RIMS2: variants seen among roughly 807,000 people sequenced by gnomAD.
RIMS2 encodes the protein regulating synaptic membrane exocytosis protein 2.
In RIMS2, 59 loss-of-function variants were observed where a neutral mutation model predicts 174.4. The observed-to-expected ratio is 0.34, with a 90% confidence interval of 0.27 to 0.42. The LOEUF is 0.42. Among genes scored for constraint, RIMS2 ranks in the 10% least tolerant of loss-of-function variants. The probability of loss-of-function intolerance (pLI) is 1.00; values close to 1 mark genes in which losing one functional copy is unlikely to be tolerated. For synonymous variants in RIMS2, 606 were observed against 572.5 expected, an observed-to-expected ratio of 1.06 and a Z score of -0.84; for missense variants, 1,620 against 1,666.3, an observed-to-expected ratio of 0.97 and a Z score of 0.48.
chr8:103,852,077 C>G (rs536049186), intron 3 of RIMS2, among the ~76,000 whole-genome samples: 3 of 151,850 alleles, frequency 2.0e-5, no homozygotes, highest in Non-Finnish European at 4.4e-5. Flanking sequence ...GACTTTTCCC[C>G]GAAAACATTA....
At chr8:103,828,695 TG>T (rs36000839) in intron 3 of RIMS2, among the ~76,000 whole-genome samples, 18,829 of 152,044 alleles carry the variant, frequency 0.12, 1,261 homozygotes, top group Middle Eastern at 0.22. Flanking sequence ...TTTATAGTCT[TG>T]GGTTTTACAT....
intron 3 of RIMS2, among the ~76,000 whole-genome samples, chr8:103,881,408 G>A (rs1594462178): frequency 2.0e-5 from 3 of 151,434 alleles, no homozygotes; most frequent in Non-Finnish European, 4.4e-5. Flanking sequence ...ACTTAAGATG[G>A]TAAAGCCTGT....
At chr8:103,818,406 T>C (rs879396828) in intron 3 of RIMS2, among the ~76,000 whole-genome samples, 16 of 152,206 alleles carry the variant, frequency 1.1e-4, no homozygotes, top group Non-Finnish European at 1.9e-4. Context: ...ATGGATGTAC[T>C]TGGGTATAGA....
At chr8:103,809,341 T>G (rs1177033861) in intron 3 of RIMS2, among the ~76,000 whole-genome samples, 1 of 152,106 alleles carries the variant, frequency 6.6e-6, no homozygotes, top group African/African-American at 2.4e-5. Flanking sequence ...TATTACAAGT[T>G]TTCTTAACAT....
At chr8:103,811,761 G>A (rs115083442) in intron 3 of RIMS2, among the ~76,000 whole-genome samples, 1,571 of 152,302 alleles carry the variant, frequency 0.01, 30 homozygotes, top group African/African-American at 0.036. Flanking sequence ...GAGGTTTTAG[G>A]TGTGGGAACT....
chr8:103,866,331 T>C (rs2099084218), intron 3 of RIMS2, among the ~76,000 whole-genome samples: 1 of 152,164 alleles, frequency 6.6e-6, no homozygotes, highest in Non-Finnish European at 1.5e-5. Context: ...AATATTTTGA[T>C]AATATCATTT....
intron 2 of RIMS2, among the ~76,000 whole-genome samples, chr8:103,745,117 G>A (rs1054102837): frequency 6.6e-6 from 1 of 152,102 alleles, no homozygotes; most frequent in African/African-American, 2.4e-5. Context: ...ATCACAATTT[G>A]TCCAATTCCA....
intron 19 of RIMS2, among the ~76,000 whole-genome samples, chr8:104,028,140 G>T (rs1386930832): frequency 6.7e-6 from 1 of 148,822 alleles, no homozygotes; most frequent in East Asian, 1.9e-4. Flanking sequence ...AAAAAAAAAA[G>T]ATCTAAAGAA....
intron 2 of RIMS2, among the ~76,000 whole-genome samples, chr8:103,733,907 T>C (rs1277106033): frequency 6.6e-6 from 1 of 152,150 alleles, no homozygotes; most frequent in African/African-American, 2.4e-5. Context: ...TGGGTTTTTA[T>C]GATCGTGTTT....
At chr8:104,109,712 A>G (rs187173465) in intron 19 of RIMS2, among the ~76,000 whole-genome samples, 95 of 152,302 alleles carry the variant, frequency 6.2e-4, no homozygotes, top group African/African-American at 2.1e-3. Flanking sequence ...CCACATGACA[A>G]TTCAGAATAG....
chr8:103,921,151 AAT>A (rs1260084976), intron 9 of RIMS2, among the ~76,000 whole-genome samples: 1 of 152,206 alleles, frequency 6.6e-6, no homozygotes, highest in African/African-American at 2.4e-5. Context: ...CAAGAATCAA[AAT>A]AGTGACAATA....
At chr8:103,834,742 T>TTCTTTCTTTCTTTCTTTCTCTCTCTC (rs1406395709) in intron 3 of RIMS2, among the ~76,000 whole-genome samples, 3 of 109,528 alleles carry the variant, frequency 2.7e-5, no homozygotes, top group African/African-American at 1.3e-4. Flanking sequence ...CTTTCTTTCT[T>TTCTTTCTTTCTTTCTTTCTCTCTCTC]TCTCTCTCTT....
chr8:103,792,637 GTTTTTT>G (rs57893772), intron 3 of RIMS2, among the ~76,000 whole-genome samples: 2 of 137,574 alleles, frequency 1.5e-5, no homozygotes, highest in African/African-American at 5.4e-5. Flanking sequence ...CCAGGAGCTG[GTTTTTT>G]TTTTTTTTTT....
At chr8:103,631,260 A>G (rs2095911954) in intron 1 of RIMS2, among the ~76,000 whole-genome samples, 2 of 152,088 alleles carry the variant, frequency 1.3e-5, no homozygotes, top group African/African-American at 2.4e-5. Context: ...TGGGTTTTAT[A>G]TTTAAGTCTT....
chr8:103,955,796 A>G (rs2086976198), intron 14 of RIMS2, among the ~76,000 whole-genome samples: 1 of 152,184 alleles, frequency 6.6e-6, no homozygotes, highest in Admixed American at 6.5e-5. Flanking sequence ...AAGTAGGAAA[A>G]AGAGAAGTCA....
intron 3 of RIMS2, among the ~76,000 whole-genome samples, chr8:103,800,192 A>G (rs2098596809): frequency 6.6e-6 from 1 of 151,900 alleles, no homozygotes; most frequent in African/African-American, 2.4e-5. Flanking sequence ...TTACTGGTCT[A>G]TGTTTTACCC....
At chr8:103,616,760 A>G (rs1457811968) in intron 1 of RIMS2, among the ~76,000 whole-genome samples, 1 of 152,140 alleles carries the variant, frequency 6.6e-6, no homozygotes, top group African/African-American at 2.4e-5. Context: ...CGGAAAGGCA[A>G]TACCATTCAC....
chr8:103,526,511 T>A (rs548742448), intron 1 of RIMS2, among the ~76,000 whole-genome samples: 3 of 152,304 alleles, frequency 2.0e-5, no homozygotes, highest in African/African-American at 7.2e-5. Context: ...AACAGGGGAT[T>A]CAAATAATGG....
At chr8:104,184,216 A>T (rs1336955631) in intron 19 of RIMS2, among the ~76,000 whole-genome samples, 1 of 151,680 alleles carries the variant, frequency 6.6e-6, no homozygotes, top group East Asian at 1.9e-4. Context: ...ATGTTATTAC[A>T]TGAAATGTAA....
Sources: allele counts gnomAD v4.1 joint callset (sites outside exome capture counted in the v4.1 genomes callset), GRCh38; gene constraint gnomAD v4.1.1; transcripts MANE v1.5; gene names NCBI Gene and HGNC (gene_info 2026-07-23, HGNC 2026-07-21).